The following NUP50 variants were observed in gnomAD, a reference collection of about 807,000 sequenced individuals.
NUP50 encodes the protein nucleoporin 50.
In NUP50, 14 loss-of-function variants were observed where a neutral mutation model predicts 36.8. The observed-to-expected ratio is 0.38, with a 90% CI of 0.25 to 0.59. The LOEUF (loss-of-function observed/expected upper bound fraction) is 0.59, where lower values mean the gene tolerates loss of function less well. Among genes scored for constraint, NUP50 ranks in the 20% least tolerant of loss-of-function variants. The pLI is 0.63. For synonymous variants in NUP50, 195 were observed against 210.8 expected, an observed-to-expected ratio of 0.93 and a Z score of 0.65; for missense variants, 455 against 564.6, an observed-to-expected ratio of 0.81 and a Z score of 1.97.
intron 6 of NUP50, 45 bp from the exon 7 acceptor site, chr22:45,183,357 A>AT: frequency 8.8e-7 from 1 of 1,136,942 alleles, no homozygotes; most frequent in South Asian, 1.3e-5. Flanking sequence ...GTGTGACTTG[A>AT]TTCGTCCTTG....
intron 7 of NUP50, chr22:45,183,767 A>G: frequency 4.6e-6 from 2 of 435,226 alleles, no homozygotes; most frequent in East Asian, 8.2e-5. Flanking sequence ...CTAAGAAGCT[A>G]GAGATTAGAC....
chr22:45,176,626 T>C (rs2074280696), intron 4 of NUP50, among the ~76,000 whole-genome samples: 1 of 152,212 alleles, frequency 6.6e-6, no homozygotes, highest in Non-Finnish European at 1.5e-5. Flanking sequence ...AGCTTGGAAA[T>C]GATCCTGACT....
At chr22:45,171,047 T>C in intron 2 of NUP50, 1 of 1,304,028 alleles carries the variant, frequency 7.7e-7, no homozygotes. Flanking sequence ...GACGTGGACA[T>C]CAGAAGTGTG....
rs2074193862 is a variant in NUP50 at position 45,171,513 on chromosome 22, G to T, written c.70-87G>T. The T allele has an allele frequency of 1.4e-5, 17 of 1,237,032 alleles. No homozygotes were observed. The East Asian group carries it at 3.8e-4, about 28-fold the overall frequency. 76.6% of individuals were successfully genotyped at this position (1,237,032 alleles called of 1,614,324 possible). A position where few individuals can be genotyped will look rare whatever the true frequency, so the allele number is the denominator to read the frequency against. ...TATTTTTGAGAGGCCGGACACAGTGGCTCAGTTCTAGCTTGTTGTTGTTGT... is the reference window on the plus strand; with the variant it reads ...TATTTTTGAGAGGCCGGACACAGTGTCTCAGTTCTAGCTTGTTGTTGTTGT... On this transcript the variant is annotated intron_variant, in intron 2 of 7. Transcript: ENST00000347635.
chr22:45,186,185 T>C lies in NUP50; in HGVS notation c.*1530T>C, dbSNP rs566362298. On this transcript the variant is annotated 3_prime_UTR_variant, in exon 8 of 8. Transcript: ENST00000347635. Reference sequence around the variant, plus strand: ...TTGATTCCACTGGGAGAATTTGGCCTAGTGTGTGGCTTTGGATGAATCCGT... The same window carrying C: ...TTGATTCCACTGGGAGAATTTGGCCCAGTGTGTGGCTTTGGATGAATCCGT... The C allele has an allele frequency of 1.3e-5, 2 of 152,330 alleles. No individual in the cohort carries two copies. The highest frequency in any genetic ancestry group is 1.9e-4 in the East Asian group (1 of 5,192). 9.4% of individuals were successfully genotyped at this position (152,330 alleles called of 1,614,324 possible). A position where few individuals can be genotyped will look rare whatever the true frequency, so the allele number is the denominator to read the frequency against.
At position 45,171,995 on chromosome 22, in the gene NUP50, G is replaced by C. The variant is rs569311718; in HGVS notation, c.153+312G>C. 1.0e-5 allele frequency: 3 copies of C among 285,908 alleles called. No homozygotes were observed. In the South Asian group the frequency reaches 1.4e-4, roughly 13 times the overall value. The allele number at this position is 285,908 out of a possible 1,614,324, so 17.7% of individuals were successfully genotyped here. A position where few individuals can be genotyped will look rare whatever the true frequency, so the allele number is the denominator to read the frequency against. On this transcript the variant is annotated intron_variant, in intron 3 of 7. Coordinates refer to ENST00000347635, the MANE Select transcript of NUP50 (RefSeq NM_007172.4). ...TTGGAGGAAGAAAGGAAAACGCAAGGATCTTCTGAGAGTCTTGTCTGCTCC... is the reference window on the plus strand; with the variant it reads ...TTGGAGGAAGAAAGGAAAACGCAAGCATCTTCTGAGAGTCTTGTCTGCTCC...
At chr22:45,183,896 G>A (rs2074424496) in intron 7 of NUP50, 5 of 224,556 alleles carry the variant, frequency 2.2e-5, no homozygotes. Context: ...CCACTGCAAG[G>A]ATCCTAGTGC....
chr22:45,170,963 G>A (rs1311183849), intron 2 of NUP50: 1 of 1,302,796 alleles, frequency 7.7e-7, no homozygotes, highest in African/African-American at 1.5e-5. Context: ...TTTTGCATGA[G>A]AAATATTTTA....
In NUP50 at chr22:45,187,572, C is replaced by T. The variant is rs2083462958; in HGVS notation, c.*2917C>T. On this transcript the variant is annotated 3_prime_UTR_variant, in exon 8 of 8. Coordinates refer to ENST00000347635, the MANE Select transcript of NUP50 (RefSeq NM_007172.4). ...GTTTTTTGAGCATTTGTCAGTTATT[C>T]TATTTCAGAAGAGTCAAAATTCAAG... The T allele has an allele frequency of 6.6e-6, 1 of 152,142 alleles. No homozygotes were observed. Among genetic ancestry groups the T allele is most frequent in the South Asian group, 2.1e-4 (1 of 4,830 alleles). The allele number at this position is 152,142 out of a possible 1,614,324, so 9.4% of individuals were successfully genotyped here.
chr22:45,168,300 C>A (rs1294964418), intron 2 of NUP50, 54 bp downstream of exon 2: 3 of 1,410,170 alleles, frequency 2.1e-6, no homozygotes, highest in South Asian at 1.2e-5. Flanking sequence ...CTTTTACATT[C>A]ATTTTGGGGT....
intron 3 of NUP50, chr22:45,172,100 A>G (rs977839898): frequency 6.0e-6 from 1 of 166,840 alleles, no homozygotes; most frequent in Non-Finnish European, 1.3e-5. Context: ...CTAGTATAGT[A>G]TATTAAAATG....
rs746475912 is a variant in NUP50, at chr22:45,176,104, C to A, written c.340+24C>A. The A allele has an allele frequency of 1.1e-5, 17 of 1,609,190 alleles. No individual in the cohort carries two copies. The South Asian group carries it at 1.8e-4, about 17-fold the overall frequency. Reference sequence around the variant, plus strand: ...TGGTAAGTAGCTCCCATCCCCCAGCCGCCTGTGTAAGTATCATCTATGGAA... The same window carrying A: ...TGGTAAGTAGCTCCCATCCCCCAGCAGCCTGTGTAAGTATCATCTATGGAA... On this transcript the variant is annotated intron_variant, in intron 4 of 7. Transcript: ENST00000347635.
At chr22:45,177,635 C>T (rs1482588846) in intron 4 of NUP50, 1 of 152,892 alleles carries the variant, frequency 6.5e-6, no homozygotes, top group Admixed American at 6.5e-5. Context: ...TCTACTGCCA[C>T]ACCACCCTCG....
chr22:45,186,215 A>C lies in NUP50; in HGVS notation c.*1560A>C, dbSNP rs909552792. 1 of 152,134 alleles carries C rather than the reference A, an allele frequency of 6.6e-6. No homozygotes were observed. The highest frequency in any genetic ancestry group is 2.4e-5 in the African/African-American group (1 of 41,408). 9.4% of individuals were successfully genotyped at this position (152,134 alleles called of 1,614,324 possible). A position where few individuals can be genotyped will look rare whatever the true frequency, so the allele number is the denominator to read the frequency against. ...TGTGGCTTTGGATGAATCCGTGTAG[A>C]GAGAGGTGAGCTTGTCCTGTTACAG... On this transcript the variant is annotated 3_prime_UTR_variant, in exon 8 of 8. Coordinates refer to ENST00000347635, the MANE Select transcript of NUP50 (RefSeq NM_007172.4).
rs1290365132 is a variant in NUP50 at position 45,187,350 on chromosome 22, TTTTC to T, written c.*2699_*2702del. ...ACAAGTCTGACTGTTCATAGGCTGA[TTTTC>T]TTTAAGAGGATTATTCTGTTTTACA... On this transcript the variant is annotated 3_prime_UTR_variant, in exon 8 of 8. Transcript: ENST00000347635. 7.2e-5 allele frequency: 11 copies of T among 152,436 alleles called. No homozygotes were observed. The South Asian group carries it at 1.9e-3, about 26-fold the overall frequency. The allele number at this position is 152,436 out of a possible 1,614,324, so 9.4% of individuals were successfully genotyped here.
At chr22:45,174,606 A>G (rs896677123) in intron 3 of NUP50, among the ~76,000 whole-genome samples, 1 of 152,202 alleles carries the variant, frequency 6.6e-6, no homozygotes, top group Non-Finnish European at 1.5e-5. Flanking sequence ...TAAAATCCCT[A>G]CAAGTGACTT....
intron 5 of NUP50, among the ~76,000 whole-genome samples, chr22:45,179,954 T>G (rs1233957940): frequency 1.3e-5 from 2 of 152,250 alleles, no homozygotes; most frequent in Non-Finnish European, 2.9e-5. Flanking sequence ...TTTGCCAATT[T>G]GCCTCTGAAA....
intron 2 of NUP50, chr22:45,171,157 G>A (rs888013259): frequency 8.4e-7 from 1 of 1,190,024 alleles, no homozygotes; most frequent in Non-Finnish European, 1.1e-6. Context: ...AGTTGGGCAG[G>A]ACTCATCTTA....
At chr22:45,170,978 G>A (rs1032637177) in intron 2 of NUP50, 26 of 1,303,370 alleles carry the variant, frequency 2.0e-5, no homozygotes, top group East Asian at 1.1e-4. Flanking sequence ...ATTTTATTCC[G>A]ACCCTACAGG....
Sources: allele counts gnomAD v4.1 joint callset (sites outside exome capture counted in the v4.1 genomes callset), GRCh38; gene constraint gnomAD v4.1.1; transcripts MANE v1.5; gene names NCBI Gene and HGNC (gene_info 2026-07-23, HGNC 2026-07-21).